NBAS: variants seen among roughly 807,000 people sequenced by gnomAD.
NBAS encodes the protein NBAS subunit of NRZ tethering complex, also known as NAG/BC035112 fusion.
In NBAS, 219 loss-of-function variants were observed where a neutral mutation model predicts 302.5. The ratio of observed to expected loss-of-function variants is 0.72; its 90% CI spans 0.65 to 0.81. The LOEUF is 0.81. NBAS is among the 30% of genes least tolerant of loss of function. NBAS has a pLI of 0.00. For synonymous variants in NBAS, 1,118 were observed against 1,021.6 expected, an observed-to-expected ratio of 1.09 and a Z score of -1.80; for missense variants, 2,932 against 2,841.6, an observed-to-expected ratio of 1.03 and a Z score of -0.72.
chr2:15,157,866 C>A, the NBAS span, among the ~76,000 whole-genome samples: 1 of 152,166 alleles, frequency 6.6e-6, no homozygotes. Flanking sequence ...TCTGTGTCCT[C>A]CTCTGTAAAA....
chr2:15,455,218 G>A (rs1679197552), intron 21 of NBAS, among the ~76,000 whole-genome samples: 1 of 152,044 alleles, frequency 6.6e-6, no homozygotes, highest in African/African-American at 2.4e-5. Context: ...TATAATTTTT[G>A]TTAGGTTACT....
At chr2:15,095,209 A>T in the NBAS span, among the ~76,000 whole-genome samples, 1 of 152,148 alleles carries the variant, frequency 6.6e-6, no homozygotes, top group Admixed American at 6.5e-5. Flanking sequence ...GCAGGCCCAC[A>T]GCTATAGATG....
intron 48 of NBAS, among the ~76,000 whole-genome samples, chr2:15,203,751 G>A (rs1474326816): frequency 6.6e-6 from 1 of 151,784 alleles, no homozygotes; most frequent in Non-Finnish European, 1.5e-5. Context: ...ATTCAAAAAA[G>A]AATACCTGAA....
the NBAS span, among the ~76,000 whole-genome samples, chr2:14,900,567 A>T: frequency 6.6e-6 from 1 of 152,244 alleles, no homozygotes; most frequent in South Asian, 2.1e-4. Context: ...ACCTATAAAG[A>T]ATTCCTTCTC....
At chr2:14,844,143 C>A in the NBAS span, among the ~76,000 whole-genome samples, 15 of 152,196 alleles carry the variant, frequency 9.9e-5, no homozygotes, top group East Asian at 2.3e-3. Flanking sequence ...AAAGAAGATA[C>A]CTTTTTTCCA....
rs572530231 is a variant in NBAS, at chr2:15,313,863, T to C, written c.4583-4616A>G. 4.6e-5 allele frequency among the ~76,000 whole-genome samples: 7 copies of C among 152,312 alleles called. No individual in the cohort carries two copies. The South Asian group carries it at 1.5e-3, about 32-fold the overall frequency. ...TCATGAGTTGACTCCTCAGAATTAA[T>C]CCTAAGCAAAAGGCTCTCTGGCTTT... On this transcript the variant is annotated intron_variant, in intron 38 of 51. Coordinates refer to ENST00000281513, the MANE Select transcript of NBAS (RefSeq NM_015909.4).
chr2:15,088,377 G>T, the NBAS span, among the ~76,000 whole-genome samples: 37 of 152,260 alleles, frequency 2.4e-4, no homozygotes, highest in African/African-American at 7.9e-4. Context: ...ATATTTTTCT[G>T]CTCTTCTTTT....
chr2:15,051,778 C>G, the NBAS span, among the ~76,000 whole-genome samples: 2 of 152,184 alleles, frequency 1.3e-5, no homozygotes, highest in African/African-American at 4.8e-5. Flanking sequence ...GGACTTCCAT[C>G]AAGTCAGTGA....
the NBAS span, among the ~76,000 whole-genome samples, chr2:14,834,270 G>A: frequency 8.5e-5 from 13 of 152,180 alleles, no homozygotes; most frequent in East Asian, 3.9e-4. Context: ...ACATAAAGCC[G>A]AAATTTATAA....
the NBAS span, among the ~76,000 whole-genome samples, chr2:15,082,891 T>G: frequency 6.6e-6 from 1 of 152,174 alleles, no homozygotes; most frequent in Admixed American, 6.5e-5. Context: ...TCAGCTGACA[T>G]GTAGTAGAGC....
chr2:14,889,904 C>A, the NBAS span, among the ~76,000 whole-genome samples: 1 of 152,192 alleles, frequency 6.6e-6, no homozygotes, highest in African/African-American at 2.4e-5. Context: ...ATCACATACA[C>A]ATATTCATTG....
At chr2:15,453,166 T>C (rs1027740309) in intron 21 of NBAS, among the ~76,000 whole-genome samples, 2 of 152,136 alleles carry the variant, frequency 1.3e-5, no homozygotes, top group African/African-American at 2.4e-5. Flanking sequence ...AGACCCTGAA[T>C]TTCCTGTTGC....
intron 20 of NBAS, 127 bp from the exon 21 acceptor site, chr2:15,461,464 A>C: frequency 2.0e-6 from 2 of 991,014 alleles, no homozygotes; most frequent in South Asian, 2.8e-5. Flanking sequence ...AAATGACCCT[A>C]GTTTTTCCTA....
chr2:15,303,083 G>T (rs371049973), intron 40 of NBAS, among the ~76,000 whole-genome samples: 2 of 152,158 alleles, frequency 1.3e-5, no homozygotes, highest in African/African-American at 4.8e-5. Context: ...TCCTCAGCTT[G>T]CAGATTGCCT....
the NBAS span, among the ~76,000 whole-genome samples, chr2:14,948,517 A>G: frequency 1.3e-3 from 194 of 152,242 alleles, no homozygotes; most frequent in Admixed American, 4.5e-3. Flanking sequence ...AAATAATATA[A>G]AATACCTAGG....
the NBAS span, among the ~76,000 whole-genome samples, chr2:15,074,337 G>A: frequency 6.7e-6 from 1 of 149,474 alleles, no homozygotes; most frequent in African/African-American, 2.5e-5. Flanking sequence ...AAAGAAGAAG[G>A]GAGGGAGGGA....
chr2:15,315,096 C>T (rs956657888), intron 38 of NBAS, among the ~76,000 whole-genome samples: 5 of 152,150 alleles, frequency 3.3e-5, no homozygotes, highest in Non-Finnish European at 5.9e-5. Flanking sequence ...TACACAGGTG[C>T]TGCACTTGTC....
chr2:15,360,873 G>A (rs1673882418), intron 32 of NBAS, among the ~76,000 whole-genome samples: 1 of 151,974 alleles, frequency 6.6e-6, no homozygotes, highest in African/African-American at 2.4e-5. Flanking sequence ...ACCTGCCTGA[G>A]GCTATTTTAA....
chr2:15,519,126 A>T (rs1377155636), intron 9 of NBAS, among the ~76,000 whole-genome samples: 1 of 152,204 alleles, frequency 6.6e-6, no homozygotes, highest in Non-Finnish European at 1.5e-5. Flanking sequence ...GCTAAAAAGA[A>T]ACTATATAAT....
Sources: allele counts gnomAD v4.1 joint callset (sites outside exome capture counted in the v4.1 genomes callset), GRCh38; gene constraint gnomAD v4.1.1; transcripts MANE v1.5; gene names NCBI Gene and HGNC (gene_info 2026-07-23, HGNC 2026-07-21).